CNIH3: variants seen among roughly 807,000 people sequenced by gnomAD.
The protein encoded by CNIH3 is protein cornichon homolog 3.
A neutral mutation model predicts 24.1 loss-of-function variants in CNIH3; 14 were observed. The observed-to-expected ratio is 0.58, with a 90% confidence interval of 0.38 to 0.91. The LOEUF (loss-of-function observed/expected upper bound fraction) is 0.91, where lower values mean the gene tolerates loss of function less well. Ranked by LOEUF, CNIH3 falls within the 40% of genes least tolerant of loss-of-function variation. The pLI is 0.00. For missense variants in CNIH3, 178 were observed against 196.8 expected, an observed-to-expected ratio of 0.90 and a Z score of 0.57; for synonymous variants, 68 against 73.8, an observed-to-expected ratio of 0.92 and a Z score of 0.40.
chr1:224,594,890 A>G (rs1681914036), intron 3 of CNIH3, among the ~76,000 whole-genome samples: 1 of 152,208 alleles, frequency 6.6e-6, no homozygotes, highest in African/African-American at 2.4e-5. Flanking sequence ...ACTGAAAATA[A>G]AAATATAAGC....
intron 1 of CNIH3, among the ~76,000 whole-genome samples, chr1:224,618,854 G>A (rs1246629206): frequency 6.6e-6 from 1 of 152,192 alleles, no homozygotes; most frequent in African/African-American, 2.4e-5. Context: ...CTAATCTATA[G>A]TAGAAAATTG....
intron 3 of CNIH3, among the ~76,000 whole-genome samples, chr1:224,715,244 C>T (rs1688366544): frequency 6.6e-6 from 1 of 152,184 alleles, no homozygotes. Context: ...TTCAGTCCTC[C>T]TGGCTTTCCT....
intron 1 of CNIH3, among the ~76,000 whole-genome samples, chr1:224,625,995 T>C (rs987587893): frequency 2.0e-5 from 3 of 152,160 alleles, no homozygotes; most frequent in African/African-American, 7.2e-5. Flanking sequence ...CTTTGACAAC[T>C]AGGTGTAGAT....
At chr1:224,664,402 G>A (rs1311898651) in intron 1 of CNIH3, among the ~76,000 whole-genome samples, 1 of 152,222 alleles carries the variant, frequency 6.6e-6, no homozygotes. Flanking sequence ...GAAATAGATT[G>A]ATGGAAGATG....
chr1:224,464,765 G>T (rs961660456), intron 1 of CNIH3, among the ~76,000 whole-genome samples: 1 of 152,020 alleles, frequency 6.6e-6, no homozygotes, highest in Admixed American at 6.6e-5. Flanking sequence ...AAGTCTTCCA[G>T]CTGTATTCTT....
rs1318719534 is a variant in CNIH3, at chr1:224,703,937, C to T, written c.198+19094C>T. Among the ~76,000 whole-genome samples the T allele has an allele frequency of 1.3e-5, 2 of 152,180 alleles. No homozygotes were observed. The highest frequency in any genetic ancestry group is 2.1e-4 in the South Asian group (1 of 4,824). ...GCAGGCCTCCCACCTCAGCCTACGA[C>T]GTATTCCAACTCAAAGGGAGCAACG... On this transcript the variant is annotated intron_variant, in intron 3 of 5. Transcript: ENST00000272133. This position sits in a 1 kb window ranked among gnomAD's most constrained non-coding sequence, Gnocchi z 4.2.
At chr1:224,567,023 G>A (rs144597293) in intron 4 of CNIH3, among the ~76,000 whole-genome samples, 1 of 152,304 alleles carries the variant, frequency 6.6e-6, no homozygotes, top group Non-Finnish European at 1.5e-5. Flanking sequence ...ATCCTCTCCA[G>A]CATCAGTTGT....
At chr1:224,712,765 G>A (rs1279689268) in intron 3 of CNIH3, among the ~76,000 whole-genome samples, 2 of 152,056 alleles carry the variant, frequency 1.3e-5, no homozygotes, top group African/African-American at 4.8e-5. Context: ...TTCCAGTTTG[G>A]GAAGACGCTC....
chr1:224,693,919 T>G (rs564706368), intron 3 of CNIH3, among the ~76,000 whole-genome samples: 4 of 152,246 alleles, frequency 2.6e-5, no homozygotes, highest in Non-Finnish European at 5.9e-5. Flanking sequence ...CAGTAGTTCT[T>G]GCGAGGGTCT....
chr1:224,574,599 G>A, intron 4 of CNIH3: 2 of 809,208 alleles, frequency 2.5e-6, no homozygotes, highest in Non-Finnish European at 4.5e-6. Flanking sequence ...GAATGACGTG[G>A]GGGTGGCCAT....
At chr1:224,518,397 A>G (rs958872686) in intron 1 of CNIH3, among the ~76,000 whole-genome samples, 5 of 152,132 alleles carry the variant, frequency 3.3e-5, no homozygotes, top group Admixed American at 2.6e-4. Context: ...TGGTGCAATC[A>G]TAGCTCACTG....
chr1:224,571,338 G>C (rs899251989), intron 4 of CNIH3, among the ~76,000 whole-genome samples: 2 of 152,184 alleles, frequency 1.3e-5, no homozygotes, highest in Non-Finnish European at 2.9e-5. Flanking sequence ...ATGTCAGCCA[G>C]GTGAGACACG....
chr1:224,454,454 T>C, intron 1 of CNIH3: 2 of 414,836 alleles, frequency 4.8e-6, no homozygotes, highest in Non-Finnish European at 6.5e-6. Flanking sequence ...TGTAGTCTGT[T>C]TACATTTCTG....
chr1:224,563,053 G>A (rs1012318107), intron 3 of CNIH3, among the ~76,000 whole-genome samples: 1 of 152,154 alleles, frequency 6.6e-6, no homozygotes, highest in Admixed American at 6.5e-5. Flanking sequence ...TCCTAGGTAT[G>A]GAAGTGCCTA....
chr1:224,487,040 T>A (rs1677057411), intron 1 of CNIH3, among the ~76,000 whole-genome samples: 1 of 152,240 alleles, frequency 6.6e-6, no homozygotes, highest in South Asian at 2.1e-4. Context: ...CAGAGTCTCC[T>A]GTAAACATAC....
At chr1:224,522,640 C>A (rs1436857517) in intron 2 of CNIH3, among the ~76,000 whole-genome samples, 2 of 152,154 alleles carry the variant, frequency 1.3e-5, no homozygotes, top group Non-Finnish European at 2.9e-5. Context: ...CAACAGATGA[C>A]AATGAACAGG....
chr1:224,571,389 G>C (rs1680809733), intron 4 of CNIH3, among the ~76,000 whole-genome samples: 1 of 152,126 alleles, frequency 6.6e-6, no homozygotes, highest in South Asian at 2.1e-4. Context: ...AACAGAAGCA[G>C]TTTTTAATTA....
At chr1:224,444,096 C>G (rs1675043912) in intron 1 of CNIH3, among the ~76,000 whole-genome samples, 1 of 152,154 alleles carries the variant, frequency 6.6e-6, no homozygotes, top group African/African-American at 2.4e-5. Context: ...CTTGTGTTAT[C>G]TGTCCTCTCT....
chr1:224,612,063 A>C (rs1220383805), upstream of CNIH3, among the ~76,000 whole-genome samples: 2 of 152,238 alleles, frequency 1.3e-5, no homozygotes, highest in African/African-American at 4.8e-5. This position sits in a 1 kb window ranked among gnomAD's most constrained non-coding sequence, Gnocchi z 4.7. Flanking sequence ...TGAAAGTCAC[A>C]GTGGTAGGAT....
Sources: allele counts gnomAD v4.1 joint callset (sites outside exome capture counted in the v4.1 genomes callset), GRCh38; gene constraint gnomAD v4.1.1; non-coding constraint Gnocchi (gnomAD v3.1); transcripts MANE v1.5; gene names NCBI Gene and HGNC (gene_info 2026-07-23, HGNC 2026-07-21).